Variants in PAK5 observed in about 807,000 individuals in gnomAD.
PAK5 encodes serine/threonine-protein kinase PAK 5.
Under a neutral mutation model 65.9 loss-of-function variants are expected in PAK5, and 16 were observed. That is an observed-to-expected ratio of 0.24 (90% CI 0.16 to 0.37). The LOEUF is 0.37. Ranked by LOEUF, PAK5 falls within the 10% of genes least tolerant of loss-of-function variation. PAK5 has a pLI of 1.00. For synonymous variants in PAK5, 371 were observed against 354.9 expected (o/e 1.05, Z -0.51); for missense variants, 785 against 903.9 (o/e 0.87, Z 1.69).
At chr20:9,800,184 G>A (rs568214871) in intron 1 of PAK5, among the ~76,000 whole-genome samples, 6 of 152,108 alleles carry the variant, frequency 3.9e-5, no homozygotes, top group South Asian at 2.1e-4. Flanking sequence ...CTAGAACAAC[G>A]ATCTTCACCT....
chr20:9,598,051 A>C (rs892539367), intron 3 of PAK5, among the ~76,000 whole-genome samples: 1 of 152,194 alleles, frequency 6.6e-6, no homozygotes, highest in Non-Finnish European at 1.5e-5. Flanking sequence ...GCACCTATCA[A>C]TCTCTCACCT....
intron 1 of PAK5, among the ~76,000 whole-genome samples, chr20:9,804,061 A>G (rs1053576743): frequency 6.6e-6 from 1 of 152,174 alleles, no homozygotes; most frequent in Non-Finnish European, 1.5e-5. Flanking sequence ...TGCCACCAAC[A>G]GTGTAGTCTG....
At chr20:9,687,470 C>T (rs909430723) in intron 2 of PAK5, among the ~76,000 whole-genome samples, 1 of 152,090 alleles carries the variant, frequency 6.6e-6, no homozygotes, top group African/African-American at 2.4e-5. Flanking sequence ...CCAATTTTAC[C>T]ATATCATTTT....
chr20:9,746,917 A>G (rs2048514884), intron 1 of PAK5, among the ~76,000 whole-genome samples: 1 of 152,192 alleles, frequency 6.6e-6, no homozygotes, highest in East Asian at 1.9e-4. Context: ...GAAAGGATCA[A>G]CAAAACTGAT....
chr20:9,593,925 A>C (rs566293009), intron 3 of PAK5, among the ~76,000 whole-genome samples: 18 of 152,204 alleles, frequency 1.2e-4, no homozygotes, highest in African/African-American at 4.3e-4. Flanking sequence ...AAGGTTTAAG[A>C]ATGCACCTTG....
At chr20:9,598,705 G>A (rs553173674) in intron 3 of PAK5, among the ~76,000 whole-genome samples, 1 of 152,292 alleles carries the variant, frequency 6.6e-6, no homozygotes, top group South Asian at 2.1e-4. Context: ...TTTCTCTAAT[G>A]ATAGTGATGT....
intron 1 of PAK5, among the ~76,000 whole-genome samples, chr20:9,721,611 C>T (rs1018646442): frequency 7.2e-6 from 1 of 139,728 alleles, no homozygotes; most frequent in African/African-American, 2.7e-5. Context: ...TAAGAACGCA[C>T]CACTGCACTC....
At chr20:9,780,830 T>G (rs2123697447) in intron 1 of PAK5, among the ~76,000 whole-genome samples, 1 of 152,268 alleles carries the variant, frequency 6.6e-6, no homozygotes. Flanking sequence ...TATATTCATG[T>G]CATAAACTTC....
At chr20:9,673,814 G>A (rs544654636) in intron 2 of PAK5, among the ~76,000 whole-genome samples, 4 of 152,124 alleles carry the variant, frequency 2.6e-5, no homozygotes, top group Admixed American at 6.5e-5. Flanking sequence ...CAATCCTACC[G>A]CATGGAAGCC....
intron 2 of PAK5, among the ~76,000 whole-genome samples, chr20:9,658,596 G>T (rs183488492): frequency 5.2e-4 from 79 of 152,248 alleles, no homozygotes; most frequent in African/African-American, 1.6e-3. Flanking sequence ...CCAATGATTG[G>T]CTACTGTGAG....
intron 6 of PAK5, among the ~76,000 whole-genome samples, chr20:9,561,395 T>A (rs982395386): frequency 6.6e-6 from 1 of 152,192 alleles, no homozygotes. Context: ...AAGCAAAAAA[T>A]GTATATCACA....
chr20:9,686,863 A>G (rs1452006943), intron 2 of PAK5, among the ~76,000 whole-genome samples: 1 of 152,190 alleles, frequency 6.6e-6, no homozygotes, highest in Admixed American at 6.5e-5. Context: ...TTATTTGGGA[A>G]GTACAGGGAC....
chr20:9,601,202 T>C (rs551632040), intron 3 of PAK5, among the ~76,000 whole-genome samples: 1 of 152,128 alleles, frequency 6.6e-6, no homozygotes, highest in African/African-American at 2.4e-5. Flanking sequence ...CAAGGGAGAG[T>C]CTGCAAAGAT....
At chr20:9,634,329 A>G (rs2123237284) in intron 3 of PAK5, among the ~76,000 whole-genome samples, 1 of 152,254 alleles carries the variant, frequency 6.6e-6, no homozygotes, top group East Asian at 1.9e-4. Context: ...CTCCAAATAG[A>G]AGAAGTGGTG....
rs2045206629 is a variant in PAK5 at position 9,538,550 on chromosome 20, G to C, written c.*912C>G. On this transcript the variant is annotated 3_prime_UTR_variant, in exon 10 of 10. Transcript: ENST00000353224. ...GATCCTAGCACTGAAATTGCTCCCT[G>C]GGAGGGAAATTTGGCCACAAGGGAA... The C allele has an allele frequency of 1.7e-5, 4 of 233,180 alleles. No homozygotes were observed. The highest frequency in any genetic ancestry group is 1.7e-4 in the Admixed American group (3 of 17,774). The allele number at this position is 233,180 out of a possible 1,614,324, so 14.4% of individuals were successfully genotyped here. A position where few individuals can be genotyped will look rare whatever the true frequency, so the allele number is the denominator to read the frequency against.
At position 9,539,542 on chromosome 20, in the gene PAK5, G is replaced by T; in HGVS notation, c.2080C>A (p.Leu694Ile). Residue 694 changes from leucine (L) to isoleucine (I), a missense_variant, in exon 10 of 10, where the codon CTC (leucine) becomes ATC (isoleucine). Coordinates refer to ENST00000353224, the MANE Select transcript of PAK5 (RefSeq NM_177990.4). The part of the protein sequence containing the change: ...EPSQRATAQE[L>I]LGHPFLKLAG... ...AGTTTTAAGAATGGATGTCCGAGGA[G>T]TTCCTGGGCTGTTGCTCTCTGAGAG... 1 of 1,613,570 alleles carries T rather than the reference G, an allele frequency of 6.2e-7. No homozygotes were observed. The highest frequency in any genetic ancestry group is 1.7e-4 in the Middle Eastern group (1 of 5,894).
chr20:9,761,926 T>C (rs1053625473), intron 1 of PAK5, among the ~76,000 whole-genome samples: 1 of 152,044 alleles, frequency 6.6e-6, no homozygotes, highest in African/African-American at 2.4e-5. Flanking sequence ...CATAGACCAA[T>C]TGAACAGAAT....
At chr20:9,635,996 G>T (rs962600805) in intron 3 of PAK5, among the ~76,000 whole-genome samples, 1 of 152,126 alleles carries the variant, frequency 6.6e-6, no homozygotes, top group African/African-American at 2.4e-5. Flanking sequence ...AGAAAGTAAA[G>T]GAGGCACTAA....
intron 3 of PAK5, among the ~76,000 whole-genome samples, chr20:9,611,892 T>G (rs1026199380): frequency 6.6e-6 from 1 of 152,204 alleles, no homozygotes; most frequent in Non-Finnish European, 1.5e-5. Flanking sequence ...TTTGTCCCTT[T>G]CCTGCCTATT....
Sources: allele counts gnomAD v4.1 joint callset (sites outside exome capture counted in the v4.1 genomes callset), GRCh38; gene constraint gnomAD v4.1.1; transcripts MANE v1.5; gene names NCBI Gene and HGNC (gene_info 2026-07-23, HGNC 2026-07-21).